Variants in ST18 observed in about 807,000 individuals in gnomAD.
The protein encoded by ST18 is suppression of tumorigenicity 18 protein.
Under a neutral mutation model 110.0 loss-of-function variants are expected in ST18, and 50 were observed. That is an observed-to-expected ratio of 0.45 (90% CI 0.36 to 0.58). The LOEUF (loss-of-function observed/expected upper bound fraction) is 0.58. ST18 is among the 20% of genes least tolerant of loss of function. ST18 has a pLI of 0.00. For synonymous variants in ST18, 461 were observed against 452.4 expected, an observed-to-expected ratio of 1.02 and a Z score of -0.24; for missense variants, 1,306 against 1,280.1, an observed-to-expected ratio of 1.02 and a Z score of -0.31.
chr8:52,231,570 G>A (rs919097531), intron 2 of ST18, among the ~76,000 whole-genome samples: 2 of 151,518 alleles, frequency 1.3e-5, no homozygotes, highest in Admixed American at 6.6e-5. Flanking sequence ...CTCCGCCTCC[G>A]GGTTCAAGTG....
intron 2 of ST18, among the ~76,000 whole-genome samples, chr8:52,275,844 C>T (rs538642764): frequency 2.0e-5 from 3 of 152,110 alleles, no homozygotes; most frequent in Non-Finnish European, 4.4e-5. Flanking sequence ...AACTGGAAGT[C>T]CCCTAAATTT....
chr8:52,337,767 A>G (rs911369497), intron 2 of ST18, among the ~76,000 whole-genome samples: 3 of 152,234 alleles, frequency 2.0e-5, no homozygotes, highest in Non-Finnish European at 4.4e-5. Context: ...AGTAAGCTGC[A>G]TTGCAGGGCA....
At chr8:52,221,366 T>C (rs901721144) in intron 4 of ST18, among the ~76,000 whole-genome samples, 3 of 152,198 alleles carry the variant, frequency 2.0e-5, no homozygotes, top group Non-Finnish European at 4.4e-5. Flanking sequence ...CTTTTGCTAA[T>C]GTTTTAAGTT....
At chr8:52,367,251 C>CACACACACACACACAA (rs1828439904) in intron 2 of ST18, among the ~76,000 whole-genome samples, 1 of 150,306 alleles carries the variant, frequency 6.7e-6, no homozygotes, top group Non-Finnish European at 1.5e-5. Flanking sequence ...CACACACACA[C>CACACACACACACACAA]ACACACACAC....
At chr8:52,217,293 C>T (rs375357980) in intron 6 of ST18, among the ~76,000 whole-genome samples, 12 of 152,202 alleles carry the variant, frequency 7.9e-5, no homozygotes, top group East Asian at 7.7e-4. Flanking sequence ...ATGGGTTCCT[C>T]CTGGCTTTGA....
intron 2 of ST18, among the ~76,000 whole-genome samples, chr8:52,280,682 T>C (rs1271278146): frequency 6.6e-6 from 1 of 152,080 alleles, no homozygotes; most frequent in Non-Finnish European, 1.5e-5. Flanking sequence ...CAGGAACATA[T>C]AACAATTCGG....
intron 2 of ST18, among the ~76,000 whole-genome samples, chr8:52,375,681 C>T (rs1027094778): frequency 2.6e-5 from 4 of 152,120 alleles, no homozygotes; most frequent in South Asian, 2.1e-4. Flanking sequence ...AAACACCCTC[C>T]GTATGCCAAT....
At position 52,242,554 on chromosome 8, in the gene ST18, G is replaced by A. The variant is rs115588187; in HGVS notation, c.-464-12477C>T. On this transcript the variant is annotated intron_variant, in intron 2 of 25. Transcript: ENST00000689386. Reference sequence around the variant, plus strand: ...AGAATTAATAGATATAAAGTACTTAGGTAGCCAGGCACTGTGGCCCATGCC... The same window carrying A: ...AGAATTAATAGATATAAAGTACTTAAGTAGCCAGGCACTGTGGCCCATGCC... 1.8e-3 allele frequency among the ~76,000 whole-genome samples: 270 copies of A among 152,284 alleles called. 1 individual carries two copies. Among genetic ancestry groups the A allele is most frequent in the African/African-American group, 6.2e-3 (257 of 41,574 alleles).
At chr8:52,173,727 GT>G (rs1411602599) in intron 9 of ST18, among the ~76,000 whole-genome samples, 2 of 152,216 alleles carry the variant, frequency 1.3e-5, no homozygotes, top group East Asian at 3.9e-4. Flanking sequence ...CAAAAGCAGG[GT>G]GGGGGGATGG....
intron 2 of ST18, among the ~76,000 whole-genome samples, chr8:52,235,619 G>GT (rs1189488079): frequency 6.6e-6 from 1 of 152,178 alleles, no homozygotes; most frequent in Admixed American, 6.5e-5. Flanking sequence ...AGTGATGCTG[G>GT]TGAAAACATG....
chr8:52,227,288 C>T (rs1310325871), intron 3 of ST18, among the ~76,000 whole-genome samples: 1 of 152,062 alleles, frequency 6.6e-6, no homozygotes, highest in African/African-American at 2.4e-5. Context: ...AGACAGTGGG[C>T]ATAAAAGGAT....
At chr8:52,337,151 G>C (rs533472970) in intron 2 of ST18, among the ~76,000 whole-genome samples, 2 of 152,276 alleles carry the variant, frequency 1.3e-5, no homozygotes, top group South Asian at 2.1e-4. Context: ...AAAGATGTTT[G>C]TTTTTTCAAA....
At chr8:52,262,220 G>A (rs760584657) in intron 2 of ST18, among the ~76,000 whole-genome samples, 1 of 152,180 alleles carries the variant, frequency 6.6e-6, no homozygotes, top group Non-Finnish European at 1.5e-5. Context: ...TATGGGGGTG[G>A]AGCCCTAATG....
chr8:52,213,889 T>C (rs576330736), intron 7 of ST18, among the ~76,000 whole-genome samples: 3 of 152,324 alleles, frequency 2.0e-5, no homozygotes, highest in East Asian at 3.9e-4. Context: ...GTCACTTCCA[T>C]AATTTGAAAG....
At chr8:52,300,921 T>A (rs1447009441) in intron 2 of ST18, among the ~76,000 whole-genome samples, 2 of 152,162 alleles carry the variant, frequency 1.3e-5, no homozygotes, top group African/African-American at 4.8e-5. Flanking sequence ...AAGTAGAGAC[T>A]CACAATACAC....
intron 2 of ST18, among the ~76,000 whole-genome samples, chr8:52,277,097 G>T (rs932872008): frequency 7.2e-5 from 11 of 152,210 alleles, no homozygotes; most frequent in Admixed American, 5.9e-4. Context: ...TTTCAGCTGT[G>T]TTGGAGACCT....
intron 2 of ST18, among the ~76,000 whole-genome samples, chr8:52,320,434 A>G (rs562020150): frequency 1.3e-4 from 20 of 152,162 alleles, no homozygotes; most frequent in Non-Finnish European, 1.6e-4. Flanking sequence ...CTTAAGCTGC[A>G]TATTGGGAGA....
At chr8:52,185,642 C>T (rs536208881) in intron 8 of ST18, among the ~76,000 whole-genome samples, 2 of 152,216 alleles carry the variant, frequency 1.3e-5, no homozygotes, top group East Asian at 1.9e-4. Context: ...CACACATACA[C>T]GGTCAACTGA....
rs1159770176 is a variant in ST18 at position 52,250,445 on chromosome 8, C to CAAAAAAAAAA, written c.-464-20378_-464-20369dup. 5.4e-3 allele frequency among the ~76,000 whole-genome samples: 23 copies of CAAAAAAAAAA among 4,280 alleles called. 3 individuals are homozygous for CAAAAAAAAAA. Among genetic ancestry groups the CAAAAAAAAAA allele is most frequent in the Admixed American group, 0.012 (3 of 252 alleles). The allele number at this position is 4,280 out of a possible 152,430, so 2.8% of individuals were successfully genotyped here. ...TGACACTGTGGAAGAGCCTCAAAGG[C>CAAAAAAAAAA]AAAAAAAAAAAAAAAAAAAAAAAAA... On this transcript the variant is annotated intron_variant, in intron 2 of 25. Transcript: ENST00000689386.
Sources: gnomAD v4.1 joint callset for allele counts (sites outside exome capture counted in the v4.1 genomes callset) on GRCh38, gnomAD v4.1.1 for gene constraint, MANE v1.5 for transcripts, NCBI Gene and HGNC (gene_info 2026-07-23, HGNC 2026-07-21) for gene names.